RNF111: variants seen among roughly 807,000 people sequenced by gnomAD.
RNF111 encodes E3 ubiquitin-protein ligase Arkadia.
RNF111 carries 17 observed loss-of-function variants against 95.1 expected under a neutral mutation model. The observed-to-expected ratio is 0.18, with a 90% CI of 0.12 to 0.27. The LOEUF is 0.27. Ranked by LOEUF, RNF111 falls within the 10% of genes least tolerant of loss-of-function variation. The probability of loss-of-function intolerance (pLI) is 1.00; values close to 1 mark genes in which losing one functional copy is unlikely to be tolerated. For synonymous variants in RNF111, 440 were observed against 414.8 expected, an observed-to-expected ratio of 1.06 and a Z score of -0.74; for missense variants, 1,189 against 1,210.4, an observed-to-expected ratio of 0.98 and a Z score of 0.26.
In RNF111 at chr15:59,052,305, G is replaced by A. The variant is rs748325879; in HGVS notation, c.881G>A (p.Gly294Glu). The A allele has an allele frequency of 3.8e-6, 6 of 1,559,734 alleles. No individual in the cohort carries two copies. The East Asian group carries it at 7.0e-5, about 18-fold the overall frequency. ...AAATGTTTTTTCTTTTTGTTTCCAG[G>A]AAGTATTGATGAAGATGTTGTGGTG... ...NHQNNPAVPS[G>E]SIDEDVVVIE... Residue 294 changes from glycine to glutamate, a missense_variant and splice_region_variant, in exon 3 of 14, where the codon GGA becomes GAA. This residue lies in a region of RNF111 where 1,024 missense variants were observed against 925.9 expected (regional missense o/e 1.11). Transcript: ENST00000348370.
chr15:59,045,643 T>A (rs973333669), intron 2 of RNF111, among the ~76,000 whole-genome samples: 26 of 152,218 alleles, frequency 1.7e-4, no homozygotes, highest in African/African-American at 6.3e-4. Flanking sequence ...GAAAGTTTTT[T>A]AAAAAATATG....
At chr15:59,072,365 T>C (rs2140105777) in intron 6 of RNF111, among the ~76,000 whole-genome samples, 1 of 152,314 alleles carries the variant, frequency 6.6e-6, no homozygotes, top group Admixed American at 6.5e-5. Context: ...CTTTCAAACT[T>C]TGCAGCTGCT....
rs565151759 is a variant in RNF111 at position 59,095,227 on chromosome 15, A to G, written c.*327A>G. 3.3e-4 allele frequency: 82 copies of G among 251,406 alleles called. No individual in the cohort carries two copies. Among genetic ancestry groups the G allele is most frequent in the South Asian group, 3.2e-3 (70 of 21,818 alleles). The allele number at this position is 251,406 out of a possible 1,614,324, so 15.6% of individuals were successfully genotyped here. On this transcript the variant is annotated 3_prime_UTR_variant, in exon 14 of 14. Transcript: ENST00000348370. The stretch of plus-strand genomic sequence containing the variant: ...GGCAAGGTTAGCTGCTTTAGTAAGT[A>G]GAATTTTGTGGTCTTTTTGTTTTTT...
chr15:59,067,490 T>C (rs1005219583), intron 6 of RNF111, among the ~76,000 whole-genome samples: 1 of 152,198 alleles, frequency 6.6e-6, no homozygotes, highest in African/African-American at 2.4e-5. Context: ...CCCCTAGGGA[T>C]AGATTTTATA....
chr15:59,045,664 G>T (rs749070728), intron 2 of RNF111, among the ~76,000 whole-genome samples: 6 of 152,130 alleles, frequency 3.9e-5, no homozygotes, highest in Admixed American at 1.3e-4. Context: ...ACTTGTCGTT[G>T]ATACATAATG....
At chr15:59,022,154 C>A (rs935157570) in intron 1 of RNF111, among the ~76,000 whole-genome samples, 1 of 152,186 alleles carries the variant, frequency 6.6e-6, no homozygotes, top group Non-Finnish European at 1.5e-5. Flanking sequence ...GCCACCACGC[C>A]TGGCCAAGCT....
chr15:59,052,517 T>C (rs2064507254), intron 3 of RNF111, 86 bp downstream of exon 3: 1 of 1,055,048 alleles, frequency 9.5e-7, no homozygotes. Context: ...GCATTCTTTT[T>C]ATTTATTTAT....
intron 5 of RNF111, among the ~76,000 whole-genome samples, chr15:59,065,871 C>G (rs1458423319): frequency 6.6e-6 from 1 of 151,964 alleles, no homozygotes; most frequent in Non-Finnish European, 1.5e-5. Flanking sequence ...ATTAGCCAGG[C>G]GTGGTGGTGT....
intron 1 of RNF111, among the ~76,000 whole-genome samples, chr15:58,996,387 A>C (rs2141396920): frequency 6.6e-6 from 1 of 152,090 alleles, no homozygotes; most frequent in East Asian, 1.9e-4. Flanking sequence ...ATCCTGGCCA[A>C]CCTGATGAAA....
chr15:59,090,587 T>C (rs1347536172), intron 11 of RNF111, among the ~76,000 whole-genome samples: 1 of 152,216 alleles, frequency 6.6e-6, no homozygotes, highest in African/African-American at 2.4e-5. Flanking sequence ...CTTAGAACTA[T>C]TGTTTGATTT....
Position 59,033,075 on chromosome 15 carries a change from A to G in RNF111, c.880+1373A>G, listed in dbSNP as rs557092216. Among the ~76,000 whole-genome samples, 21 of 152,344 alleles carry G rather than the reference A, an allele frequency of 1.4e-4. No individual in the cohort carries two copies. In the East Asian group the frequency reaches 2.3e-3, roughly 17 times the overall value. ...TGAAGAGCTGTCTGAACTGAGGGAA[A>G]AGATTAATTTCTTGTGAAATTAGGG... On this transcript the variant is annotated intron_variant, in intron 2 of 13. Transcript: ENST00000348370.
At chr15:58,995,464 T>TC (rs2039022572) in intron 1 of RNF111, among the ~76,000 whole-genome samples, 2 of 90,512 alleles carry the variant, frequency 2.2e-5, no homozygotes, top group African/African-American at 6.1e-5. Flanking sequence ...CATAACCTCT[T>TC]GTTTTTTTTT....
rs147164553 is a variant in RNF111 at position 58,990,632 on chromosome 15, C to T, written c.-20+2564C>T. On this transcript the variant is annotated intron_variant, in intron 1 of 13. Transcript: ENST00000348370. The stretch of plus-strand genomic sequence containing the variant: ...GCCACTCACTGCACTCCAGCTTGGG[C>T]GACAGAGCGAGACTGTTTCTCAAAA... Among the ~76,000 whole-genome samples the T allele has an allele frequency of 5.0e-4, 76 of 152,250 alleles. No individual in the cohort carries two copies. The East Asian group carries it at 0.011, about 23-fold the overall frequency.
At chr15:58,997,823 A>G (rs1567198209) in intron 1 of RNF111, among the ~76,000 whole-genome samples, 1 of 151,914 alleles carries the variant, frequency 6.6e-6, no homozygotes, top group Non-Finnish European at 1.5e-5. Context: ...TCAAAAAAAA[A>G]AACAAAAACC....
intron 6 of RNF111, among the ~76,000 whole-genome samples, chr15:59,075,606 A>G (rs1202533710): frequency 6.6e-6 from 1 of 152,228 alleles, no homozygotes; most frequent in African/African-American, 2.4e-5. Context: ...ATAAAGGAGA[A>G]TATAGAAGTA....
chr15:59,084,926 T>A (rs2078854708), intron 9 of RNF111, among the ~76,000 whole-genome samples: 1 of 152,194 alleles, frequency 6.6e-6, no homozygotes, highest in South Asian at 2.1e-4. Flanking sequence ...TGATCTTACT[T>A]TTCACATCTT....
chr15:59,029,798 TG>T (rs1189257085), intron 1 of RNF111, among the ~76,000 whole-genome samples: 1 of 152,200 alleles, frequency 6.6e-6, no homozygotes, highest in African/African-American at 2.4e-5. Context: ...TGTTTATCTG[TG>T]TGCCAGTTAC....
At chr15:58,996,399 C>A (rs1006355221) in intron 1 of RNF111, among the ~76,000 whole-genome samples, 1 of 151,734 alleles carries the variant, frequency 6.6e-6, no homozygotes, top group East Asian at 1.9e-4. Context: ...CTGATGAAAC[C>A]CTGTCTCAAC....
In RNF111 at chr15:58,994,033, ATT is replaced by A. The variant is rs371453519; in HGVS notation, c.-20+5988_-20+5989del. On this transcript the variant is annotated intron_variant, in intron 1 of 13. Coordinates refer to ENST00000348370, the MANE Select transcript of RNF111 (RefSeq NM_017610.8). ...GACATCCCAATTTGTTGTTACTTAA[ATT>A]TTTTTTTTTTTTTTTTTTTTTTAAT... Among the ~76,000 whole-genome samples, 651 of 103,084 alleles carry A rather than the reference ATT, an allele frequency of 6.3e-3. 13 individuals are homozygous for A. The highest frequency in any genetic ancestry group is 0.03 in the East Asian group (98 of 3,262). The allele number at this position is 103,084 out of a possible 152,430, so 67.6% of individuals were successfully genotyped here.
Sources: allele counts gnomAD v4.1 joint callset (sites outside exome capture counted in the v4.1 genomes callset), GRCh38; gene constraint gnomAD v4.1.1; regional missense constraint gnomAD v4.1.1; transcripts MANE v1.5; gene names NCBI Gene and HGNC (gene_info 2026-07-23, HGNC 2026-07-21).